Variants in RANBP17 observed in about 807,000 individuals in gnomAD.
RANBP17 encodes RAN binding protein 17, also known as ran-binding protein 17.
Under a neutral mutation model 141.2 loss-of-function variants are expected in RANBP17, and 158 were observed. That is an observed-to-expected ratio of 1.12 (90% CI 0.98 to 1.28). The LOEUF (loss-of-function observed/expected upper bound fraction) is 1.28, where lower values mean the gene tolerates loss of function less well. Among genes scored for constraint, RANBP17 ranks in the 50% most tolerant of loss-of-function variants. The probability of loss-of-function intolerance (pLI) is 0.00; values close to 1 mark genes in which losing one functional copy is unlikely to be tolerated. For synonymous variants in RANBP17, 430 were observed against 450.0 expected (o/e 0.96, Z 0.56); for missense variants, 1,438 against 1,290.7 (o/e 1.11, Z -1.75).
rs774064672 is a variant in RANBP17, at chr5:171,265,768, C to A, written c.2864C>A (p.Pro955Gln). ...FKHIAKEGKKPLRCREATQAG... is the reference protein window; with the variant it reads ...FKHIAKEGKKQLRCREATQAG... ...CACATAGCAAAAGAGGGCAAGAAGC[C>A]ACTTCGATGCAGAGAGGCTACCCAG... The change falls in exon 25 of 28, where the codon CCA becomes CAA. Residue 955 changes from proline (P) to glutamine (Q), a missense_variant. Transcript: ENST00000523189. 1 of 1,613,988 alleles carries A rather than the reference C, an allele frequency of 6.2e-7. No homozygotes were observed. The highest frequency in any genetic ancestry group is 8.5e-7 in the Non-Finnish European group (1 of 1,179,990).
At position 170,953,668 on chromosome 5, in the gene RANBP17, G is replaced by C. The variant is rs373606129; in HGVS notation, c.1540G>C (p.Glu514Gln). The part of the protein sequence containing the change: ...GGRLTYTSTD[E>Q]HDAMDGELSC... ...AAGATTAACATATACCAGTACAGATGAGCATGATGCTATGGATGGAGAATT... is the reference window on the plus strand; with the variant it reads ...AAGATTAACATATACCAGTACAGATCAGCATGATGCTATGGATGGAGAATT... Residue 514 changes from glutamate (E) to glutamine (Q), a missense_variant, in exon 13 of 28, where the codon GAG (glutamate) becomes CAG (glutamine). Glu to Gln is a conservative substitution (Grantham distance 29). Transcript: ENST00000523189. The C allele has an allele frequency of 6.2e-7, 1 of 1,609,882 alleles. No homozygotes were observed. The highest frequency in any genetic ancestry group is 8.5e-7 in the Non-Finnish European group (1 of 1,176,474).
intron 5 of RANBP17, among the ~76,000 whole-genome samples, chr5:170,905,311 C>T (rs769294445): frequency 5.3e-5 from 8 of 152,108 alleles, no homozygotes; most frequent in Non-Finnish European, 1.0e-4. Context: ...TGTTTAAAAA[C>T]TGTCATCTTG....
At chr5:170,960,691 A>T (rs1776070513) in intron 13 of RANBP17, among the ~76,000 whole-genome samples, 1 of 152,190 alleles carries the variant, frequency 6.6e-6, no homozygotes, top group South Asian at 2.1e-4. Context: ...CAGCCAGAGT[A>T]ATCTTTCTAA....
intron 25 of RANBP17, chr5:171,271,117 T>TTTTTTTC: frequency 9.8e-6 from 1 of 102,554 alleles, no homozygotes; most frequent in Non-Finnish European, 1.9e-5. Context: ...TTTTTTTTTT[T>TTTTTTTC]TGCTAACATG....
At chr5:171,122,567 G>A (rs932388238) in intron 14 of RANBP17, among the ~76,000 whole-genome samples, 1 of 152,218 alleles carries the variant, frequency 6.6e-6, no homozygotes, top group African/African-American at 2.4e-5. Context: ...GCCTGGCCAG[G>A]ATTGGCTCAG....
intron 14 of RANBP17, among the ~76,000 whole-genome samples, chr5:171,150,062 T>G (rs1315400799): frequency 2.6e-5 from 4 of 152,218 alleles, no homozygotes; most frequent in Admixed American, 2.6e-4. Context: ...GCTTTTCTTG[T>G]ATTCAGATTG....
At chr5:171,054,572 C>T (rs1257922251) in intron 14 of RANBP17, among the ~76,000 whole-genome samples, 1 of 152,168 alleles carries the variant, frequency 6.6e-6, no homozygotes, top group Non-Finnish European at 1.5e-5. Flanking sequence ...TTATCACCAT[C>T]TTGGTTTTGG....
intron 27 of RANBP17, among the ~76,000 whole-genome samples, chr5:171,296,650 C>T (rs1168208610): frequency 3.3e-5 from 5 of 152,194 alleles, no homozygotes; most frequent in African/African-American, 1.2e-4. Context: ...CAGTGGCTCA[C>T]GCCTGTAATC....
At chr5:170,974,730 G>C (rs919120370) in intron 14 of RANBP17, among the ~76,000 whole-genome samples, 2 of 152,192 alleles carry the variant, frequency 1.3e-5, no homozygotes, top group African/African-American at 4.8e-5. Flanking sequence ...GCTGGAGGAA[G>C]TGGTACTGCA....
chr5:171,273,113 G>A (rs1767231983), intron 25 of RANBP17, among the ~76,000 whole-genome samples: 1 of 152,184 alleles, frequency 6.6e-6, no homozygotes, highest in Non-Finnish European at 1.5e-5. Flanking sequence ...AATCAATATG[G>A]CAGCTGTGAA....
At chr5:171,152,506 C>G (rs77696599) in intron 14 of RANBP17, among the ~76,000 whole-genome samples, 2,433 of 152,000 alleles carry the variant, frequency 0.016, 20 homozygotes, top group Non-Finnish European at 0.028. Flanking sequence ...AAATCTTAAA[C>G]GTCACTCTTG....
chr5:171,238,430 T>TC (rs1002918427), intron 22 of RANBP17, among the ~76,000 whole-genome samples: 2 of 152,220 alleles, frequency 1.3e-5, no homozygotes, highest in Admixed American at 6.5e-5. Context: ...AGATTTTTTT[T>TC]CCCAATCAGG....
chr5:171,139,134 A>G (rs867186791), intron 14 of RANBP17, among the ~76,000 whole-genome samples: 9 of 152,194 alleles, frequency 5.9e-5, no homozygotes, highest in African/African-American at 1.9e-4. Flanking sequence ...AAAAAATTGT[A>G]AATAACAATT....
intron 24 of RANBP17, among the ~76,000 whole-genome samples, chr5:171,258,463 A>G (rs553828627): frequency 6.6e-6 from 1 of 152,326 alleles, no homozygotes; most frequent in African/African-American, 2.4e-5. Context: ...TAGGCATTGC[A>G]TTACCTGACT....
At chr5:171,256,051 G>A (rs1251318040) in intron 24 of RANBP17, among the ~76,000 whole-genome samples, 1 of 151,660 alleles carries the variant, frequency 6.6e-6, no homozygotes, top group Non-Finnish European at 1.5e-5. Context: ...GGTAACCATC[G>A]GTATAGGGTT....
intron 14 of RANBP17, among the ~76,000 whole-genome samples, chr5:171,059,175 C>A (rs2127667496): frequency 6.6e-6 from 1 of 152,152 alleles, no homozygotes; most frequent in Admixed American, 6.5e-5. Flanking sequence ...TAATTAGATC[C>A]CATTTGTCAA....
chr5:171,245,670 A>T (rs1479440712), intron 24 of RANBP17, among the ~76,000 whole-genome samples: 1 of 151,962 alleles, frequency 6.6e-6, no homozygotes, highest in Non-Finnish European at 1.5e-5. Context: ...TAACTTTTGG[A>T]TCAGTTTGAC....
intron 14 of RANBP17, among the ~76,000 whole-genome samples, chr5:171,046,014 T>C (rs1782558426): frequency 6.6e-6 from 1 of 152,154 alleles, no homozygotes; most frequent in African/African-American, 2.4e-5. Context: ...ACAATTCCTT[T>C]GAGAATCCTC....
chr5:170,921,843 G>A (rs1772492592), intron 11 of RANBP17, among the ~76,000 whole-genome samples: 1 of 152,174 alleles, frequency 6.6e-6, no homozygotes, highest in South Asian at 2.1e-4. Flanking sequence ...ATCAAACTCA[G>A]TCTCCGTCCA....
Sources: allele counts gnomAD v4.1 joint callset (sites outside exome capture counted in the v4.1 genomes callset), GRCh38; gene constraint gnomAD v4.1.1; transcripts MANE v1.5; gene names NCBI Gene and HGNC (gene_info 2026-07-23, HGNC 2026-07-21).